RTP4: variants seen among roughly 807,000 people sequenced by gnomAD.
RTP4 encodes receptor transporter protein 4.
A neutral mutation model predicts 6.5 loss-of-function variants in RTP4; 5 were observed. That is an observed-to-expected ratio of 0.77 (90% CI 0.40 to 1.62). The LOEUF (loss-of-function observed/expected upper bound fraction) is 1.62, where lower values mean the gene tolerates loss of function less well. Ranked by LOEUF, RTP4 falls within the 40% of genes most tolerant of loss-of-function variation. The pLI, the probability that RTP4 is intolerant of heterozygous loss-of-function variation, is 0.02. For missense variants in RTP4, 266 were observed against 288.7 expected (o/e 0.92, Z 0.57); for synonymous variants, 112 against 114.8 (o/e 0.98, Z 0.15).
chr3:187,368,501 A>C lies in RTP4; in HGVS notation c.60A>C (p.Lys20Asn). ...QTFQELIQEA[K>N]PRATWTLKLD... ...TTCAAGAACTAATCCAAGAGGCAAA[A>C]CCCCGGGCCACATGGACGCTGAAGT... Residue 20 changes from lysine to asparagine, a missense_variant, in exon 1 of 2, where the codon AAA (lysine) becomes AAC (asparagine). Physicochemically the swap from Lys to Asn is moderately conservative, Grantham distance 94. Coordinates refer to ENST00000259030, the MANE Select transcript of RTP4 (RefSeq NM_022147.3). 6.2e-7 allele frequency: 1 copy of C among 1,613,830 alleles called. No individual in the cohort carries two copies. Among genetic ancestry groups the C allele is most frequent in the South Asian group, 1.1e-5 (1 of 91,046 alleles).
intron 1 of RTP4, among the ~76,000 whole-genome samples, chr3:187,369,958 T>C (rs1711577723): frequency 6.6e-6 from 1 of 152,370 alleles, no homozygotes; most frequent in Non-Finnish European, 1.5e-5. Context: ...TTTGATTTGA[T>C]TGTCATTTCG....
Position 187,370,788 on chromosome 3 carries a change from G to A in RTP4, c.156G>A (p.Trp52Ter). ...WKQYQQRAFGWFRCSSCQRSW... is the reference protein window; with the variant it reads ...WKQYQQRAFG The stretch of plus-strand genomic sequence containing the variant: ...ATGGGTGTCTTCCTTCTGACTGCAG[G>A]TTCCGGTGTTCCTCCTGCCAGCGAA... Residue 52 changes from tryptophan (W) to a stop codon, truncating the protein, a stop_gained and splice_region_variant, in exon 2 of 2, where the codon TGG (tryptophan) becomes TGA (stop). Transcript: ENST00000259030. LOFTEE classifies it low-confidence loss of function (END_TRUNC). 6.2e-7 allele frequency: 1 copy of A among 1,611,078 alleles called. No individual in the cohort carries two copies. The highest frequency in any genetic ancestry group is 1.7e-4 in the Middle Eastern group (1 of 6,052).
At position 187,371,314 on chromosome 3, in the gene RTP4, A is replaced by G; in HGVS notation, c.682A>G (p.Ile228Val). 2 of 1,603,498 alleles carry G rather than the reference A, an allele frequency of 1.2e-6. No individual in the cohort carries two copies. The highest frequency in any genetic ancestry group is 8.5e-7 in the Non-Finnish European group (1 of 1,179,948). Residue 228 changes from isoleucine to valine, a missense_variant, in exon 2 of 2, where the codon ATC becomes GTC. By Grantham distance (29) the Ile-to-Val change is conservative. Coordinates refer to ENST00000259030, the MANE Select transcript of RTP4 (RefSeq NM_022147.3). ...GPSRDPDPLN[I>V]CVFILLLVFI... ...CAGTCGAGACCCAGATCCACTGAACATCTGTGTCTTTATTTTGCTGCTTGT... is the reference window on the plus strand; with the variant it reads ...CAGTCGAGACCCAGATCCACTGAACGTCTGTGTCTTTATTTTGCTGCTTGT...
At position 187,371,380 on chromosome 3, in the gene RTP4, T is replaced by C. The variant is rs753419953; in HGVS notation, c.*7T>C. 22 of 1,562,636 alleles carry C rather than the reference T, an allele frequency of 1.4e-5. No homozygotes were observed. Among genetic ancestry groups the C allele is most frequent in the East Asian group, 1.1e-4 (5 of 44,400 alleles). ...ATGCTTTACATCAGAATGATGAAAA[T>C]AGGCTTGCCACTTTCTCTTATTTTA... is the stretch of plus-strand genomic sequence containing the variant. On this transcript the variant is annotated 3_prime_UTR_variant, in exon 2 of 2. Coordinates refer to ENST00000259030, the MANE Select transcript of RTP4 (RefSeq NM_022147.3).
chr3:187,368,748 G>T, intron 1 of RTP4, 152 bp downstream of exon 1: 1 of 561,434 alleles, frequency 1.8e-6, no homozygotes, highest in East Asian at 3.4e-5. Flanking sequence ...GGGTCGACAT[G>T]ATAAGACGAC....
Position 187,371,168 on chromosome 3 carries a change from C to T in RTP4, c.536C>T (p.Pro179Leu). 1 of 1,614,116 alleles carries T rather than the reference C, an allele frequency of 6.2e-7. No individual in the cohort carries two copies. Among genetic ancestry groups the T allele is most frequent in the Non-Finnish European group, 8.5e-7 (1 of 1,180,032 alleles). ...ACAAAGCCGTCCAAATCCCTACTCC[C>T]CCACCTAAAGACTGGGAATTCCTCA... ...CMTKPSKSLL[P>L]HLKTGNSSPG... Residue 179 changes from proline to leucine, a missense_variant, in exon 2 of 2, where the codon CCC (proline) becomes CTC (leucine). By Grantham distance (98) the Pro-to-Leu change is moderately conservative. Coordinates refer to ENST00000259030, the MANE Select transcript of RTP4 (RefSeq NM_022147.3).
At position 187,368,431 on chromosome 3, in the gene RTP4, A is replaced by G; in HGVS notation, c.-11A>G. ...ACCTGAAAGCTACTCTCTCAGCTTC[A>G]GAGGGAAAAAATGGTTGTAGATTTC... On this transcript the variant is annotated 5_prime_UTR_variant, in exon 1 of 2. Coordinates refer to ENST00000259030, the MANE Select transcript of RTP4 (RefSeq NM_022147.3). 1 of 1,605,634 alleles carries G rather than the reference A, an allele frequency of 6.2e-7. No individual in the cohort carries two copies.
chr3:187,369,868 CT>C (rs1711575796), intron 1 of RTP4, among the ~76,000 whole-genome samples: 1 of 152,084 alleles, frequency 6.6e-6, no homozygotes, highest in Non-Finnish European at 1.5e-5. Flanking sequence ...CCAGCCAGAG[CT>C]TTTTGAGGGA....
intron 1 of RTP4, among the ~76,000 whole-genome samples, chr3:187,368,886 C>A (rs890409548): frequency 1.2e-4 from 18 of 152,128 alleles, no homozygotes; most frequent in African/African-American, 4.3e-4. Context: ...TTTCTCACCA[C>A]GTCATTTGTT....
At chr3:187,369,363 C>T (rs1435360519) in intron 1 of RTP4, among the ~76,000 whole-genome samples, 1 of 152,104 alleles carries the variant, frequency 6.6e-6, no homozygotes, top group Non-Finnish European at 1.5e-5. Flanking sequence ...TCAGGTATGG[C>T]CTACTCCATT....
chr3:187,368,628 C>T (rs1579642946), intron 1 of RTP4, 32 bp downstream of exon 1: 1 of 1,579,960 alleles, frequency 6.3e-7, no homozygotes, highest in East Asian at 2.2e-5. Flanking sequence ...AATAGCTCTT[C>T]TGAGAAGAGA....
rs531835120 is a variant in RTP4 at position 187,370,118 on chromosome 3, AATGAGGGT to A, written c.156-669_156-662del. On this transcript the variant is annotated intron_variant, in intron 1 of 1. Coordinates refer to ENST00000259030, the MANE Select transcript of RTP4 (RefSeq NM_022147.3). ...GAATTTTTTTTTTATGGATTCAAAC[AATGAGGGT>A]TATAGAAGGGAAGGGCTTTGCCCAA... Among the ~76,000 whole-genome samples, 38 of 152,264 alleles carry A rather than the reference AATGAGGGT, an allele frequency of 2.5e-4. 1 individual carries two copies. The East Asian group carries it at 6.6e-3, about 26-fold the overall frequency.
chr3:187,369,576 GGATAA>G (rs1166076550), intron 1 of RTP4, among the ~76,000 whole-genome samples: 1 of 149,740 alleles, frequency 6.7e-6, no homozygotes, highest in African/African-American at 2.5e-5. Context: ...TAAGATAATG[GGATAA>G]GATAAAATAT....
At chr3:187,370,758 G>T in intron 1 of RTP4, 30 bp from the exon 2 acceptor site, 7 of 1,552,144 alleles carry the variant, frequency 4.5e-6, no homozygotes, top group Non-Finnish European at 6.2e-6. Context: ...CCAGATGAAG[G>T]CATAATGGGT....
rs767710141 is a variant in RTP4 at position 187,371,126 on chromosome 3, G to C, written c.494G>C (p.Gly165Ala). 72 of 1,614,112 alleles carry C rather than the reference G, an allele frequency of 4.5e-5. No individual in the cohort carries two copies. Among genetic ancestry groups the C allele is most frequent in the Non-Finnish European group, 5.8e-5 (68 of 1,179,990 alleles). ...EACTLGICGQGLKSCMTKPSK... is the reference protein window; with the variant it reads ...EACTLGICGQALKSCMTKPSK... ...TGCACTTTGGGCATCTGTGGACAGGGCTTAAAAAGCTGCATGACAAAGCCG... is the reference window on the plus strand; with the variant it reads ...TGCACTTTGGGCATCTGTGGACAGGCCTTAAAAAGCTGCATGACAAAGCCG... The change falls in exon 2 of 2, where the codon GGC becomes GCC. Residue 165 changes from glycine (G) to alanine (A), a missense_variant. Gly to Ala is a moderately conservative substitution (Grantham distance 60, BLOSUM62 0). Coordinates refer to ENST00000259030, the MANE Select transcript of RTP4 (RefSeq NM_022147.3).
At chr3:187,369,668 AATAAT>A (rs10585857) in intron 1 of RTP4, among the ~76,000 whole-genome samples, 1,777 of 150,806 alleles carry the variant, frequency 0.012, 29 homozygotes, top group South Asian at 0.039. Context: ...TAAATTTATA[AATAAT>A]ATATGTATTA....
chr3:187,369,390 C>G (rs1711560282), intron 1 of RTP4, among the ~76,000 whole-genome samples: 1 of 152,132 alleles, frequency 6.6e-6, no homozygotes, highest in South Asian at 2.1e-4. Context: ...GGACTATTAG[C>G]TATGCCATGC....
intron 1 of RTP4, among the ~76,000 whole-genome samples, chr3:187,370,406 A>G (rs888247800): frequency 2.0e-5 from 3 of 152,212 alleles, no homozygotes; most frequent in African/African-American, 4.8e-5. Context: ...TACTTCACAG[A>G]TGAAATGGGA....
At position 187,371,149 on chromosome 3, in the gene RTP4, C is replaced by T. The variant is rs750731067; in HGVS notation, c.517C>T (p.Pro173Ser). 5.6e-6 allele frequency: 9 copies of T among 1,613,936 alleles called. No individual in the cohort carries two copies. Among genetic ancestry groups the T allele is most frequent in the Middle Eastern group, 1.6e-4 (1 of 6,084 alleles). Residue 173 changes from proline (P) to serine (S), a missense_variant, in exon 2 of 2, where the codon CCG becomes TCG. By Grantham distance (74) the Pro-to-Ser change is moderately conservative (BLOSUM62 -1). Coordinates refer to ENST00000259030, the MANE Select transcript of RTP4 (RefSeq NM_022147.3). ...GQGLKSCMTK[P>S]SKSLLPHLKT... ...GGGCTTAAAAAGCTGCATGACAAAG[C>T]CGTCCAAATCCCTACTCCCCCACCT...
Sources: allele counts gnomAD v4.1 joint callset (sites outside exome capture counted in the v4.1 genomes callset), GRCh38; gene constraint gnomAD v4.1.1; transcripts MANE v1.5; gene names NCBI Gene and HGNC (gene_info 2026-07-23, HGNC 2026-07-21).